Variants in PXDNL observed in about 807,000 individuals in gnomAD.
PXDNL encodes the protein probable oxidoreductase PXDNL.
In PXDNL, 145 loss-of-function variants were observed where a neutral mutation model predicts 150.8. The observed-to-expected ratio is 0.96, with a 90% CI of 0.84 to 1.10. The LOEUF (loss-of-function observed/expected upper bound fraction) is 1.10, where lower values mean the gene tolerates loss of function less well. Ranked by LOEUF, PXDNL falls within the 50% of genes least tolerant of loss-of-function variation. The probability of loss-of-function intolerance (pLI) is 0.00; values close to 1 mark genes in which losing one functional copy is unlikely to be tolerated. For missense variants in PXDNL, 2,087 were observed against 1,873.9 expected (o/e 1.11, Z -2.10); for synonymous variants, 757 against 725.7 (o/e 1.04, Z -0.69).
chr8:51,326,936 G>A (rs1483423416), intron 21 of PXDNL, among the ~76,000 whole-genome samples: 1 of 152,082 alleles, frequency 6.6e-6, no homozygotes, highest in Admixed American at 6.5e-5. Flanking sequence ...TATGACTGAT[G>A]CTCTCATAAA....
intron 4 of PXDNL, among the ~76,000 whole-genome samples, chr8:51,553,434 C>T (rs559642643): frequency 6.6e-6 from 1 of 152,256 alleles, no homozygotes; most frequent in South Asian, 2.1e-4. Context: ...CCATTTTTGA[C>T]CCCATAGCCC....
intron 4 of PXDNL, among the ~76,000 whole-genome samples, chr8:51,509,757 C>T (rs529877803): frequency 0.24 from 35,874 of 149,168 alleles, 4,783 homozygotes; most frequent in African/African-American, 0.33. Context: ...CACACACACA[C>T]ACACACACAC....
At chr8:51,441,488 C>G (rs944965636) in intron 12 of PXDNL, among the ~76,000 whole-genome samples, 1 of 152,100 alleles carries the variant, frequency 6.6e-6, no homozygotes, top group Non-Finnish European at 1.5e-5. Flanking sequence ...TGAACAGCAG[C>G]AGAGAACTAG....
intron 1 of PXDNL, among the ~76,000 whole-genome samples, chr8:51,703,668 A>C (rs1246224671): frequency 6.6e-6 from 1 of 152,200 alleles, no homozygotes; most frequent in African/African-American, 2.4e-5. Flanking sequence ...TGTGGCCAGC[A>C]AGTACTGCCT....
chr8:51,577,590 C>A (rs1174630772), intron 3 of PXDNL, among the ~76,000 whole-genome samples: 1 of 130,540 alleles, frequency 7.7e-6, no homozygotes, highest in African/African-American at 3.3e-5. Context: ...ATCTATCTAT[C>A]TACATATATA....
rs557502194 is a variant in PXDNL at position 51,748,428 on chromosome 8, C to T, written c.164+60753G>A. Reference sequence around the variant, plus strand: ...GAGGGAGAGCTGGGATTGCTCCAGACGGTGAGCAGCTCAAACCCTGCATTG... The same window carrying T: ...GAGGGAGAGCTGGGATTGCTCCAGATGGTGAGCAGCTCAAACCCTGCATTG... On this transcript the variant is annotated intron_variant, in intron 1 of 22. Transcript: ENST00000356297. 9.2e-5 allele frequency among the ~76,000 whole-genome samples: 14 copies of T among 152,234 alleles called. No individual in the cohort carries two copies. In the East Asian group the frequency reaches 9.7e-4, roughly 11 times the overall value.
At chr8:51,525,478 C>G (rs934176227) in intron 4 of PXDNL, among the ~76,000 whole-genome samples, 1 of 152,164 alleles carries the variant, frequency 6.6e-6, no homozygotes, top group Non-Finnish European at 1.5e-5. Flanking sequence ...CATTCAGAAA[C>G]GTGTCTCCAA....
At chr8:51,327,247 A>T (rs1805529195) in intron 21 of PXDNL, among the ~76,000 whole-genome samples, 2 of 152,218 alleles carry the variant, frequency 1.3e-5, no homozygotes, top group Non-Finnish European at 2.9e-5. Flanking sequence ...AGCATAACTT[A>T]GCAAAACCTG....
At chr8:51,740,140 G>A (rs1487790672) in intron 1 of PXDNL, among the ~76,000 whole-genome samples, 1 of 152,118 alleles carries the variant, frequency 6.6e-6, no homozygotes, top group Non-Finnish European at 1.5e-5. Context: ...ATCCTGATGT[G>A]TAATGCAATT....
intron 1 of PXDNL, among the ~76,000 whole-genome samples, chr8:51,731,149 G>C (rs752661748): frequency 2.0e-5 from 3 of 152,144 alleles, no homozygotes; most frequent in Non-Finnish European, 4.4e-5. Context: ...TCAAAGACAA[G>C]ACAAGTCCCT....
chr8:51,333,584 A>G (rs1443869712), intron 21 of PXDNL, among the ~76,000 whole-genome samples: 8 of 152,178 alleles, frequency 5.3e-5, no homozygotes, highest in African/African-American at 1.9e-4. Context: ...CCAACCAACT[A>G]TCTGCTGCCT....
intron 5 of PXDNL, among the ~76,000 whole-genome samples, chr8:51,499,204 A>T (rs142633466): frequency 1.3e-5 from 2 of 152,294 alleles, no homozygotes; most frequent in East Asian, 3.9e-4. Context: ...ATCTCGGCTC[A>T]CTGCAACCTA....
chr8:51,368,949 T>C (rs923795403), intron 19 of PXDNL, among the ~76,000 whole-genome samples: 1 of 152,012 alleles, frequency 6.6e-6, no homozygotes, highest in African/African-American at 2.4e-5. Flanking sequence ...TGAGCCGAGA[T>C]TGCACCACTG....
Position 51,374,742 on chromosome 8 carries a change from G to C in PXDNL, c.3558-11C>G, listed in dbSNP as rs371084066. The C allele has an allele frequency of 1.4e-5, 22 of 1,613,162 alleles. No homozygotes were observed. The highest frequency in any genetic ancestry group is 1.3e-5 in the Non-Finnish European group (15 of 1,179,506). ...GGAGAGCCGTACAACCTGGAACAGA[G>C]ACAGGCAGACAGCGCACACCTGAGA... On this transcript the variant is annotated splice_polypyrimidine_tract_variant and intron_variant, in intron 17 of 22. Transcript: ENST00000356297.
chr8:51,533,395 C>A lies in PXDNL; in HGVS notation c.380+23445G>T, dbSNP rs773657353. The stretch of plus-strand genomic sequence containing the variant: ...TGAACTCCTGACCTCAGGTGATCCA[C>A]CTGCTTCGGCCTCCCAAAATGTTGG... On this transcript the variant is annotated intron_variant, in intron 4 of 22. Transcript: ENST00000356297. Among the ~76,000 whole-genome samples, 40 of 151,942 alleles carry A rather than the reference C, an allele frequency of 2.6e-4. 1 individual carries two copies. The highest frequency in any genetic ancestry group is 4.4e-4 in the Non-Finnish European group (30 of 67,990).
chr8:51,792,508 C>G (rs372504020), intron 1 of PXDNL, among the ~76,000 whole-genome samples: 1 of 152,248 alleles, frequency 6.6e-6, no homozygotes, highest in Admixed American at 6.5e-5. Flanking sequence ...CAGCTGGAGA[C>G]TGCCTAAAAC....
At position 51,575,437 on chromosome 8, in the gene PXDNL, T is replaced by C. The variant is rs1677286724; in HGVS notation, c.308+17190A>G. 2.0e-5 allele frequency among the ~76,000 whole-genome samples: 3 copies of C among 152,062 alleles called. No homozygotes were observed. The South Asian group carries it at 6.2e-4, about 32-fold the overall frequency. ...AATAAAAATAGTCTAAACACACTGA[T>C]TAAAAGACAAGGTTGCCCCTGAATC... On this transcript the variant is annotated intron_variant, in intron 3 of 22. Transcript: ENST00000356297.
chr8:51,326,172 G>A (rs548864477), intron 21 of PXDNL, among the ~76,000 whole-genome samples: 101 of 152,220 alleles, frequency 6.6e-4, no homozygotes, highest in African/African-American at 2.2e-3. Context: ...TGTTTTAAAC[G>A]TGATATCCAG....
intron 1 of PXDNL, among the ~76,000 whole-genome samples, chr8:51,722,921 G>A (rs1816757225): frequency 6.6e-6 from 1 of 151,954 alleles, no homozygotes; most frequent in South Asian, 2.1e-4. Context: ...CTTTGCCAGG[G>A]AACTTCTTTT....
Sources: allele counts gnomAD v4.1 joint callset (sites outside exome capture counted in the v4.1 genomes callset), GRCh38; gene constraint gnomAD v4.1.1; transcripts MANE v1.5; gene names NCBI Gene and HGNC (gene_info 2026-07-23, HGNC 2026-07-21).